FRMPD4: variants seen among roughly 807,000 people sequenced by gnomAD.
FRMPD4 encodes the protein FERM and PDZ domain-containing protein 4.
FRMPD4 carries 22 observed loss-of-function variants against 94.1 expected under a neutral mutation model. That is an observed-to-expected ratio of 0.23 (90% CI 0.17 to 0.33). The LOEUF is 0.33. FRMPD4 is among the 10% of genes least tolerant of loss of function. FRMPD4 has a pLI of 1.00. For missense variants in FRMPD4, 1,111 were observed against 1,339.9 expected, an observed-to-expected ratio of 0.83 and a Z score of 2.67; for synonymous variants, 631 against 548.6, an observed-to-expected ratio of 1.15 and a Z score of -2.10.
At chrX:12,523,899 A>C (rs1468287203) in intron 2 of FRMPD4, among the ~76,000 whole-genome samples, 1 of 111,283 alleles carries the variant, frequency 9.0e-6, no homozygotes, top group African/African-American at 3.3e-5. Context: ...TCATGCCTGT[A>C]ATCTCAGCAC....
intron 3 of FRMPD4, among the ~76,000 whole-genome samples, chrX:11,897,242 A>G (rs953229120): frequency 9.0e-6 from 1 of 111,228 alleles, no homozygotes; most frequent in African/African-American, 3.3e-5. Context: ...TTTACATGAA[A>G]TTCTGGAACA....
Position 12,552,422 on chromosome X carries a change from T to C in FRMPD4, c.158+53626T>C, listed in dbSNP as rs189295059. Among the ~76,000 whole-genome samples, 31 of 111,662 alleles carry C rather than the reference T, an allele frequency of 2.8e-4. No individual in the cohort carries two copies. In the East Asian group the frequency reaches 7.2e-3, roughly 26 times the overall value. ...CTCTCAGCACCAATATAAGTATTAT[T>C]TTGCTTCCATCCCCTAAATCATCCA... On this transcript the variant is annotated intron_variant, in intron 2 of 16. Coordinates refer to ENST00000675598, the MANE Select transcript of FRMPD4 (RefSeq NM_001368397.1).
At chrX:11,829,717 C>G (rs765488383) in intron 1 of FRMPD4, among the ~76,000 whole-genome samples, 1 of 111,936 alleles carries the variant, frequency 8.9e-6, no homozygotes, top group African/African-American at 3.2e-5. Context: ...TCTCTCCAGA[C>G]AGGTGGATAA....
chrX:12,400,397 C>A (rs756370187), intron 1 of FRMPD4, among the ~76,000 whole-genome samples: 2 of 111,878 alleles, frequency 1.8e-5, no homozygotes, highest in Admixed American at 1.9e-4. Context: ...CCTACAATTA[C>A]GGGAGGAGTA....
At chrX:11,986,817 A>C (rs1405893587) in intron 3 of FRMPD4, among the ~76,000 whole-genome samples, 1 of 110,303 alleles carries the variant, frequency 9.1e-6, no homozygotes, top group Non-Finnish European at 1.9e-5. Flanking sequence ...GAAACGGATA[A>C]ATTTCTAGAC....
intron 3 of FRMPD4, among the ~76,000 whole-genome samples, chrX:12,029,188 G>A (rs1358840145): frequency 1.8e-5 from 2 of 112,165 alleles, no homozygotes; most frequent in East Asian, 5.6e-4. Context: ...TAGGTGTGTG[G>A]TGGTATTTAG....
chrX:11,978,373 C>T (rs1013718984), intron 3 of FRMPD4, among the ~76,000 whole-genome samples: 4 of 103,612 alleles, frequency 3.9e-5, no homozygotes, highest in Non-Finnish European at 7.9e-5. Context: ...GGAGGAAGTC[C>T]ATTCAGATGG....
At chrX:12,157,979 C>T (rs899411458) in intron 1 of FRMPD4, among the ~76,000 whole-genome samples, 1 of 111,620 alleles carries the variant, frequency 9.0e-6, no homozygotes, top group African/African-American at 3.3e-5. Flanking sequence ...TACACTTGCT[C>T]ATGTGTGTGT....
At chrX:12,260,380 G>A (rs745330125) in intron 1 of FRMPD4, among the ~76,000 whole-genome samples, 1 of 111,869 alleles carries the variant, frequency 8.9e-6, no homozygotes, top group Non-Finnish European at 1.9e-5. Context: ...ACACTACCTG[G>A]TCAGGTCACC....
intron 1 of FRMPD4, among the ~76,000 whole-genome samples, chrX:12,160,104 C>G (rs769984188): frequency 1.1e-5 from 1 of 89,317 alleles, no homozygotes; most frequent in African/African-American, 5.2e-5. Context: ...TGTGTATGTG[C>G]CTGTGTGTGC....
chrX:12,541,779 C>T (rs1216795493), intron 2 of FRMPD4, among the ~76,000 whole-genome samples: 1 of 111,217 alleles, frequency 9.0e-6, no homozygotes, highest in African/African-American at 3.3e-5. Flanking sequence ...CTGGCAGAGA[C>T]ACAACAAAAA....
At chrX:12,583,688 G>A (rs778682251) in intron 2 of FRMPD4, among the ~76,000 whole-genome samples, 2 of 112,975 alleles carry the variant, frequency 1.8e-5, no homozygotes, top group Non-Finnish European at 3.8e-5. Context: ...CGGTCCAGCT[G>A]GTTGCCATCT....
At chrX:12,495,514 T>C (rs2148218044) in intron 1 of FRMPD4, among the ~76,000 whole-genome samples, 1 of 111,135 alleles carries the variant, frequency 9.0e-6, no homozygotes, top group South Asian at 3.9e-4. Context: ...GCATCAGCAT[T>C]GTGTGGAAGC....
chrX:11,996,470 A>G (rs1174110546), intron 3 of FRMPD4, among the ~76,000 whole-genome samples: 1 of 112,368 alleles, frequency 8.9e-6, no homozygotes, highest in African/African-American at 3.2e-5. Context: ...ACTTTAGGAA[A>G]TGCATCTATT....
chrX:12,209,461 C>G (rs2147736303), intron 1 of FRMPD4, among the ~76,000 whole-genome samples: 1 of 112,429 alleles, frequency 8.9e-6, no homozygotes, highest in South Asian at 3.7e-4. Context: ...CTGGAATCCT[C>G]TATGAGCAAG....
At chrX:12,143,103 A>T (rs1232982288) in intron 1 of FRMPD4, among the ~76,000 whole-genome samples, 1 of 112,499 alleles carries the variant, frequency 8.9e-6, no homozygotes, top group African/African-American at 3.2e-5. Context: ...ACTTGGCTCA[A>T]TAAGAAAACT....
At chrX:12,654,008 T>A (rs2059626786) in intron 4 of FRMPD4, among the ~76,000 whole-genome samples, 1 of 112,000 alleles carries the variant, frequency 8.9e-6, no homozygotes. Flanking sequence ...TCACCTCAGG[T>A]GATTTGCCCA....
At chrX:12,527,487 GT>G (rs752107917) in intron 2 of FRMPD4, among the ~76,000 whole-genome samples, 27,931 of 75,722 alleles carry the variant, frequency 0.37, 3,306 homozygotes, top group Middle Eastern at 0.44. Context: ...CTGAGTTACA[GT>G]TTTTTTTTTT....
chrX:12,041,305 C>T (rs899907603), intron 3 of FRMPD4, among the ~76,000 whole-genome samples: 2 of 112,158 alleles, frequency 1.8e-5, no homozygotes, highest in Non-Finnish European at 3.8e-5. Context: ...TCTGGTATCA[C>T]TCCTTTCAGC....
Sources: gnomAD v4.1 joint callset for allele counts (sites outside exome capture counted in the v4.1 genomes callset) on GRCh38, gnomAD v4.1.1 for gene constraint, MANE v1.5 for transcripts, NCBI Gene and HGNC (gene_info 2026-07-23, HGNC 2026-07-21) for gene names.